SIL1: variants seen among roughly 807,000 people sequenced by gnomAD.
The protein encoded by SIL1 is nucleotide exchange factor SIL1.
In SIL1, 40 loss-of-function variants were observed where a neutral mutation model predicts 49.1. The ratio of observed to expected loss-of-function variants is 0.81; its 90% CI spans 0.63 to 1.06. SIL1 has a LOEUF of 1.06. Ranked by LOEUF, SIL1 falls within the 50% of genes least tolerant of loss-of-function variation. SIL1 has a pLI of 0.00. For synonymous variants in SIL1, 253 were observed against 250.8 expected (o/e 1.01, Z -0.08); for missense variants, 500 against 572.6 (o/e 0.87, Z 1.29).
At chr5:139,195,673 C>T (rs1344857048) in intron 1 of SIL1, among the ~76,000 whole-genome samples, 8 of 152,232 alleles carry the variant, frequency 5.3e-5, no homozygotes, top group Non-Finnish European at 1.2e-4. Context: ...AGGCGTGAGC[C>T]ACCATGCCCG....
intron 3 of SIL1, 174 bp from the exon 4 acceptor site, chr5:139,051,220 C>T: frequency 1.5e-6 from 1 of 655,026 alleles, no homozygotes; most frequent in Non-Finnish European, 2.8e-6. Context: ...CTCGCATAAA[C>T]TCACTTTGCT....
rs1766786513 is a variant in SIL1 at position 138,951,848 on chromosome 5, T to A, written c.804A>T (p.Gly268=). The A allele has an allele frequency of 6.2e-7, 1 of 1,613,676 alleles. No individual in the cohort carries two copies. The highest frequency in any genetic ancestry group is 1.3e-5 in the African/African-American group (1 of 74,844). ...GGATGACCAGCAGCTTCTGCAGGGCTCCCCCTTCGATGGCCTCCACCTGGA... is the reference window on the plus strand; with the variant it reads ...GGATGACCAGCAGCTTCTGCAGGGCACCCCCTTCGATGGCCTCCACCTGGA... The part of the protein sequence containing the change: ...PKVQVEAIEG[G]ALQKLLVILA... Residue 268 remains glycine (G), a synonymous_variant, in exon 8 of 10, where the codon GGA becomes GGT. Transcript: ENST00000394817.
chr5:139,058,964 A>ATGTGTGTGTG (rs113502024), intron 3 of SIL1, among the ~76,000 whole-genome samples: 1 of 86,768 alleles, frequency 1.2e-5, no homozygotes, highest in African/African-American at 5.7e-5. Flanking sequence ...GGAGCTAGAA[A>ATGTGTGTGTG]TGTGTATGTG....
intron 7 of SIL1, among the ~76,000 whole-genome samples, chr5:139,008,854 C>T (rs1468843597): frequency 2.6e-5 from 4 of 152,112 alleles, no homozygotes; most frequent in Admixed American, 2.0e-4. Flanking sequence ...TGTTCTTTTA[C>T]ATTTGCTGAG....
intron 5 of SIL1, among the ~76,000 whole-genome samples, chr5:139,036,975 T>C (rs1353501905): frequency 6.6e-6 from 1 of 152,210 alleles, no homozygotes. Context: ...ATTATTCTTT[T>C]TTCATTCTAT....
At chr5:138,972,781 A>T (rs1437279344) in intron 7 of SIL1, among the ~76,000 whole-genome samples, 1 of 152,240 alleles carries the variant, frequency 6.6e-6, no homozygotes, top group East Asian at 1.9e-4. Context: ...ATACCTCAAA[A>T]TAGTACATGA....
At chr5:139,137,900 C>CA (rs1751007140) in intron 1 of SIL1, among the ~76,000 whole-genome samples, 1 of 152,024 alleles carries the variant, frequency 6.6e-6, no homozygotes, top group African/African-American at 2.4e-5. Flanking sequence ...ACACACCACA[C>CA]ACACGCGCAC....
intron 3 of SIL1, among the ~76,000 whole-genome samples, chr5:139,088,788 A>T (rs2151775004): frequency 6.6e-6 from 1 of 152,292 alleles, no homozygotes; most frequent in Middle Eastern, 3.4e-3. Context: ...TGGATATAAA[A>T]ACCTAACCAT....
intron 4 of SIL1, among the ~76,000 whole-genome samples, chr5:139,049,793 T>TA (rs746363870): frequency 0.02 from 2,325 of 117,582 alleles, 20 homozygotes; most frequent in South Asian, 0.028. Context: ...ACCCTATCTC[T>TA]AAAAAAAAAA....
Position 138,947,120 on chromosome 5 carries a change from T to C in SIL1, c.1383A>G (p.Arg461=), listed in dbSNP as rs1434601410. ...AGTCCAGTCCTGGTGTGGGGCCTCA[T>C]CTCAGCTCCTTCAGCAAGCTGTTGA... is the stretch of plus-strand genomic sequence containing the variant. ...GSVNSLLKEL[R] The change falls in exon 10 of 10, where the codon AGA becomes AGG. Residue 461 remains arginine, a synonymous_variant. Transcript: ENST00000394817. The surrounding 1 kb of genome is among the most constrained non-coding windows in gnomAD (Gnocchi z 4.1). 1.9e-6 allele frequency: 3 copies of C among 1,612,450 alleles called. No individual in the cohort carries two copies. The highest frequency in any genetic ancestry group is 2.5e-6 in the Non-Finnish European group (3 of 1,179,170).
At chr5:139,149,702 G>T (rs1299924524) in intron 1 of SIL1, among the ~76,000 whole-genome samples, 2 of 152,090 alleles carry the variant, frequency 1.3e-5, no homozygotes, top group Non-Finnish European at 2.9e-5. Context: ...GATTAAAAGA[G>T]GAAAAGGAAT....
At chr5:138,998,179 TTATC>T (rs1344999731) in intron 7 of SIL1, among the ~76,000 whole-genome samples, 2 of 152,156 alleles carry the variant, frequency 1.3e-5, no homozygotes, top group Admixed American at 6.5e-5. Flanking sequence ...TTTTACTTAT[TTATC>T]TATCTATTTA....
intron 3 of SIL1, among the ~76,000 whole-genome samples, chr5:139,095,515 G>A (rs1032185332): frequency 1.3e-5 from 2 of 152,172 alleles, no homozygotes; most frequent in Non-Finnish European, 2.9e-5. Context: ...ACTTGCCTTG[G>A]CCTCTCAAAC....
chr5:139,144,216 T>G (rs1352377330), intron 1 of SIL1, among the ~76,000 whole-genome samples: 3 of 152,096 alleles, frequency 2.0e-5, no homozygotes, highest in African/African-American at 7.2e-5. Context: ...CCCAGCTACT[T>G]GGGAGGCTGA....
rs1028245306 is a variant in SIL1, at chr5:138,947,818, A to C, written c.1030-345T>G. Among the ~76,000 whole-genome samples, 2 of 152,196 alleles carry C rather than the reference A, an allele frequency of 1.3e-5. No homozygotes were observed. The highest frequency in any genetic ancestry group is 4.8e-5 in the African/African-American group (2 of 41,442). ...CATGGAGGCAGACAGGCTGGCTTCA[A>C]ATTCCTGCTCCACCACTGACTTGCT... On this transcript the variant is annotated intron_variant, in intron 9 of 9. Coordinates refer to ENST00000394817, the MANE Select transcript of SIL1 (RefSeq NM_022464.5). The surrounding 1 kb of genome is among the most constrained non-coding windows in gnomAD (Gnocchi z 4.1).
intron 3 of SIL1, among the ~76,000 whole-genome samples, chr5:139,059,383 C>T (rs147272013): frequency 2.6e-4 from 40 of 152,212 alleles, no homozygotes; most frequent in Middle Eastern, 3.4e-3. Flanking sequence ...AAGGCCCCAC[C>T]GGCCATGTGG....
At chr5:138,957,254 T>C (rs1203707800) in intron 7 of SIL1, among the ~76,000 whole-genome samples, 2 of 151,916 alleles carry the variant, frequency 1.3e-5, no homozygotes, top group African/African-American at 4.8e-5. Context: ...CCTGAAACCA[T>C]TTCAGACTAG....
chr5:138,958,089 T>C (rs1766940568), intron 7 of SIL1, among the ~76,000 whole-genome samples: 1 of 152,152 alleles, frequency 6.6e-6, no homozygotes, highest in Admixed American at 6.5e-5. Context: ...AGAAAAATAA[T>C]TTTGACCCCA....
At chr5:139,092,860 T>A (rs1367046230) in intron 3 of SIL1, among the ~76,000 whole-genome samples, 2 of 152,192 alleles carry the variant, frequency 1.3e-5, no homozygotes, top group Non-Finnish European at 1.5e-5. Context: ...GCCTCCAAAG[T>A]TCATGTGTTG....
Sources: allele counts gnomAD v4.1 joint callset (sites outside exome capture counted in the v4.1 genomes callset), GRCh38; gene constraint gnomAD v4.1.1; non-coding constraint Gnocchi (gnomAD v3.1); transcripts MANE v1.5; gene names NCBI Gene and HGNC (gene_info 2026-07-23, HGNC 2026-07-21).